Variants in GTF2IRD2 observed in about 807,000 individuals in gnomAD.
The protein encoded by GTF2IRD2 is GTF2I repeat domain containing 2.
Under a neutral mutation model 49.2 loss-of-function variants are expected in GTF2IRD2, and 8 were observed. The ratio of observed to expected loss-of-function variants is 0.16; its 90% CI spans 0.10 to 0.29. GTF2IRD2 has a LOEUF of 0.29. Among genes scored for constraint, GTF2IRD2 ranks in the 10% least tolerant of loss-of-function variants. The pLI is 1.00. For missense variants in GTF2IRD2, 130 were observed against 725.7 expected, an observed-to-expected ratio of 0.18 and a Z score of 9.43; for synonymous variants, 47 against 289.7, an observed-to-expected ratio of 0.16 and a Z score of 8.51.
At chr7:74,836,754 C>T (rs1316011688) in intron 1 of GTF2IRD2, among the ~76,000 whole-genome samples, 164 of 152,076 alleles carry the variant, frequency 1.1e-3, no homozygotes, top group East Asian at 8.7e-3. Flanking sequence ...TTTGTAAAGA[C>T]GGGGTTTTGC....
At chr7:74,831,504 T>TACACACACACACACACAC (rs4029807) in intron 3 of GTF2IRD2, among the ~76,000 whole-genome samples, 8 of 119,546 alleles carry the variant, frequency 6.7e-5, no homozygotes, top group African/African-American at 2.4e-4. Flanking sequence ...TCTCTGTACA[T>TACACACACACACACACAC]ACACACACAC....
intron 3 of GTF2IRD2, among the ~76,000 whole-genome samples, chr7:74,825,767 T>C (rs1232088591): frequency 1.3e-5 from 2 of 151,982 alleles, no homozygotes; most frequent in Admixed American, 1.3e-4. Flanking sequence ...TTTGTATCAA[T>C]GTAAGGGGCA....
At chr7:74,841,834 T>G (rs1346651458) in intron 1 of GTF2IRD2, among the ~76,000 whole-genome samples, 1 of 141,808 alleles carries the variant, frequency 7.1e-6, no homozygotes, top group Non-Finnish European at 1.5e-5. Flanking sequence ...GTTCAAAAAT[T>G]GACTGTGATG....
chr7:74,818,172 A>AT (rs1381433880), intron 8 of GTF2IRD2, among the ~76,000 whole-genome samples: 2 of 30,870 alleles, frequency 6.5e-5, no homozygotes, highest in Admixed American at 4.6e-4. Context: ...TTGAAGAGGG[A>AT]TTTTTTTTCC....
intron 15 of GTF2IRD2, among the ~76,000 whole-genome samples, chr7:74,800,338 G>A (rs1270043771): frequency 7.1e-6 from 1 of 140,194 alleles, no homozygotes; most frequent in Non-Finnish European, 1.5e-5. Context: ...TCAGCCTCCC[G>A]AGTAGCTGGG....
intron 11 of GTF2IRD2, among the ~76,000 whole-genome samples, chr7:74,808,700 A>G (rs1797932933): frequency 1.2e-5 from 1 of 83,496 alleles, no homozygotes; most frequent in South Asian, 4.9e-4. Context: ...TATTATATAT[A>G]TACATTATAC....
At chr7:74,826,948 G>A (rs1194918549) in intron 3 of GTF2IRD2, among the ~76,000 whole-genome samples, 2 of 151,746 alleles carry the variant, frequency 1.3e-5, no homozygotes, top group East Asian at 3.9e-4. Flanking sequence ...CTGATCTCAA[G>A]TGATCCATCG....
rs1798637331 is a variant in GTF2IRD2 at position 74,818,485 on chromosome 7, C to T, written c.670+1069G>A. Among the ~76,000 whole-genome samples the T allele has an allele frequency of 6.4e-5, 7 of 110,102 alleles. No individual in the cohort carries two copies. In the South Asian group the frequency reaches 8.9e-4, roughly 14 times the overall value. 72.2% of individuals were successfully genotyped at this position (110,102 alleles called of 152,430 possible). A position where few individuals can be genotyped will look rare whatever the true frequency, so the allele number is the denominator to read the frequency against. On this transcript the variant is annotated intron_variant, in intron 8 of 15. Coordinates refer to ENST00000451013, the MANE Select transcript of GTF2IRD2 (RefSeq NM_173537.5). ...TTTTTTTTTTTTTTTTTTGAGACAA[C>T]GTCTCTCTCTGTCACCCAGGCCGGA...
intron 3 of GTF2IRD2, among the ~76,000 whole-genome samples, chr7:74,830,583 C>T (rs1282238803): frequency 6.8e-6 from 1 of 146,272 alleles, no homozygotes; most frequent in African/African-American, 2.5e-5. Flanking sequence ...GTGGAGGCAG[C>T]TGGAGGCCAT....
intron 6 of GTF2IRD2, 82 bp downstream of exon 6, chr7:74,822,345 C>A: frequency 4.5e-6 from 3 of 663,576 alleles, no homozygotes; most frequent in South Asian, 1.7e-5. Flanking sequence ...CCATCACGCC[C>A]GGCCCCCAAT....
At chr7:74,825,530 A>C (rs1317659741) in intron 3 of GTF2IRD2, among the ~76,000 whole-genome samples, 1 of 134,472 alleles carries the variant, frequency 7.4e-6, no homozygotes, top group East Asian at 2.2e-4. Flanking sequence ...TACAGGTGTG[A>C]GGCACTGCAC....
intron 8 of GTF2IRD2, among the ~76,000 whole-genome samples, chr7:74,818,362 C>G (rs1307881823): frequency 7.2e-6 from 1 of 139,102 alleles, no homozygotes; most frequent in Non-Finnish European, 1.5e-5. Context: ...TCTCATTCAA[C>G]TATAAATAAA....
At chr7:74,825,808 T>C (rs1388689780) in intron 3 of GTF2IRD2, among the ~76,000 whole-genome samples, 3 of 150,446 alleles carry the variant, frequency 2.0e-5, no homozygotes, top group African/African-American at 7.3e-5. Context: ...TCTTCTTTTT[T>C]TTTTTTTTTT....
intron 3 of GTF2IRD2, among the ~76,000 whole-genome samples, chr7:74,826,704 T>C: frequency 2.1e-5 from 1 of 47,562 alleles, no homozygotes; most frequent in African/African-American, 1.6e-4. Flanking sequence ...TCATTCTTTT[T>C]TTTTTTTTTT....
At chr7:74,836,578 T>C (rs1352018743) in intron 1 of GTF2IRD2, among the ~76,000 whole-genome samples, 195 bp from the exon 2 acceptor site, 4 of 151,606 alleles carry the variant, frequency 2.6e-5, no homozygotes, top group Admixed American at 2.6e-4. Flanking sequence ...TATTTTGTTT[T>C]ATTTTGAGAC....
At position 74,822,555 on chromosome 7, in the gene GTF2IRD2, T is replaced by C. The variant is rs1337399837; in HGVS notation, c.542+69A>G. ...AAACGCAGCAGGCGGGATGCACGAG[T>C]GAATTAAAATTAGGCTATTGGTTTC... On this transcript the variant is annotated intron_variant, in intron 5 of 15. Coordinates refer to ENST00000451013, the MANE Select transcript of GTF2IRD2 (RefSeq NM_173537.5). 25 of 582,650 alleles carry C rather than the reference T, an allele frequency of 4.3e-5. No individual in the cohort carries two copies. The Admixed American group carries it at 8.0e-4, about 19-fold the overall frequency. The allele number at this position is 582,650 out of a possible 1,614,324, so 36.1% of individuals were successfully genotyped here.
At chr7:74,831,436 CAG>C (rs1799844201) in intron 3 of GTF2IRD2, among the ~76,000 whole-genome samples, 1 of 150,572 alleles carries the variant, frequency 6.6e-6, no homozygotes, top group African/African-American at 2.4e-5. Flanking sequence ...TATACACACA[CAG>C]ACACACACAC....
At position 74,851,348 on chromosome 7, in the gene GTF2IRD2, GCGGGGGCGGGGTACGCA is replaced by G. The variant is rs1327469783; in HGVS notation, c.-6+2_-6+18del. On this transcript the variant is annotated splice_donor_variant and splice_donor_5th_base_variant and intron_variant, in intron 1 of 15. Transcript: ENST00000451013. LOFTEE classifies it low-confidence loss of function (5UTR_SPLICE). ...CCCGCCCTTAATGGCGGCGTCGGCG[GCGGGGGCGGGGTACGCA>G]CCTGAGGGCGCTGGGCCGCGCCGGG... 2 of 47,734 alleles carry G rather than the reference GCGGGGGCGGGGTACGCA, an allele frequency of 4.2e-5. 1 individual carries two copies. Among genetic ancestry groups the G allele is most frequent in the Non-Finnish European group, 7.3e-5 (2 of 27,558 alleles). The allele number at this position is 47,734 out of a possible 1,614,324, so 3.0% of individuals were successfully genotyped here. A position where few individuals can be genotyped will look rare whatever the true frequency, so the allele number is the denominator to read the frequency against.
At chr7:74,798,962 C>G (rs1222555727) in intron 15 of GTF2IRD2, 1 of 154,342 alleles carries the variant, frequency 6.5e-6, no homozygotes, top group Non-Finnish European at 1.4e-5. Flanking sequence ...AGGCATGCAC[C>G]ACACCGAGCT....
Sources: gnomAD v4.1 joint callset for allele counts (sites outside exome capture counted in the v4.1 genomes callset) on GRCh38, gnomAD v4.1.1 for gene constraint, MANE v1.5 for transcripts, NCBI Gene and HGNC (gene_info 2026-07-23, HGNC 2026-07-21) for gene names.